MTHFD1L: variants seen among roughly 807,000 people sequenced by gnomAD.
The protein encoded by MTHFD1L is methylenetetrahydrofolate dehydrogenase (NADP+ dependent) 1 like.
A neutral mutation model predicts 119.5 loss-of-function variants in MTHFD1L; 81 were observed. That is an observed-to-expected ratio of 0.68 (90% confidence interval 0.57 to 0.82). The LOEUF is 0.82. Ranked by LOEUF, MTHFD1L falls within the 40% of genes least tolerant of loss-of-function variation. The pLI is 0.00. For missense variants in MTHFD1L, 1,125 were observed against 1,253.4 expected (o/e 0.90, Z 1.55); for synonymous variants, 430 against 475.2 (o/e 0.90, Z 1.24).
chr6:151,074,811 A>C (rs1324208837), intron 26 of MTHFD1L, among the ~76,000 whole-genome samples: 3 of 152,222 alleles, frequency 2.0e-5, no homozygotes, highest in Non-Finnish European at 4.4e-5. Context: ...CCATACAGCC[A>C]AGGTGTGTAG....
At chr6:150,972,159 C>A (rs1465121831) in intron 20 of MTHFD1L, 101 bp downstream of exon 20, 6 of 999,304 alleles carry the variant, frequency 6.0e-6, no homozygotes, top group Admixed American at 4.5e-5. Flanking sequence ...GAAACATATT[C>A]TTTCAGGCAC....
At chr6:150,890,175 AG>A (rs796265776) in intron 7 of MTHFD1L, among the ~76,000 whole-genome samples, 16 of 151,186 alleles carry the variant, frequency 1.1e-4, no homozygotes, top group African/African-American at 3.6e-4. Flanking sequence ...AATAATAAAA[AG>A]TGTATATATA....
At chr6:150,898,515 A>T (rs1444754172) in intron 7 of MTHFD1L, among the ~76,000 whole-genome samples, 2 of 152,198 alleles carry the variant, frequency 1.3e-5, no homozygotes, top group African/African-American at 4.8e-5. Flanking sequence ...GGAAATGCAA[A>T]GCAGAATTTT....
intron 20 of MTHFD1L, among the ~76,000 whole-genome samples, chr6:151,000,404 T>G (rs1020476222): frequency 1.3e-4 from 20 of 152,102 alleles, no homozygotes; most frequent in African/African-American, 4.3e-4. Context: ...TCTCCTGATA[T>G]GTGTCTAGTT....
At chr6:151,007,415 A>AG (rs1380959792) in intron 20 of MTHFD1L, among the ~76,000 whole-genome samples, 6 of 151,464 alleles carry the variant, frequency 4.0e-5, no homozygotes, top group African/African-American at 1.2e-4. Context: ...ATTCAATATG[A>AG]TTTTTAGCAA....
rs557613279 is a variant in MTHFD1L, at chr6:150,884,956, G to A, written c.543-678G>A. ...ATTGGTTCTGGGTTTTGAGTGGACT[G>A]CAGGACCATGCTTCTGTGTAACTCT... is the stretch of plus-strand genomic sequence containing the variant. On this transcript the variant is annotated intron_variant, in intron 5 of 27. Transcript: ENST00000367321. Among the ~76,000 whole-genome samples, 7 of 152,258 alleles carry A rather than the reference G, an allele frequency of 4.6e-5. No individual in the cohort carries two copies. The East Asian group carries it at 1.4e-3, about 29-fold the overall frequency.
chr6:150,868,196 C>T (rs1778759970), intron 1 of MTHFD1L, among the ~76,000 whole-genome samples: 2 of 152,140 alleles, frequency 1.3e-5, no homozygotes, highest in Admixed American at 1.3e-4. Context: ...GTTCTCCAAA[C>T]TCAATTCCTT....
intron 7 of MTHFD1L, among the ~76,000 whole-genome samples, chr6:150,893,087 C>T (rs1299196960): frequency 6.6e-6 from 1 of 152,120 alleles, no homozygotes; most frequent in African/African-American, 2.4e-5. Flanking sequence ...CCCCTTGAGA[C>T]AGAGGCTCAC....
chr6:150,933,595 T>A (rs371565506), intron 11 of MTHFD1L, among the ~76,000 whole-genome samples: 32 of 152,230 alleles, frequency 2.1e-4, no homozygotes, highest in African/African-American at 7.5e-4. Context: ...GGTGTCAGGA[T>A]AGGCTCACCA....
chr6:150,892,764 GACGTTTGAATTGTC>G (rs1393137514), intron 7 of MTHFD1L, among the ~76,000 whole-genome samples: 1 of 152,168 alleles, frequency 6.6e-6, no homozygotes, highest in Non-Finnish European at 1.5e-5. Context: ...GTGTCTGCCT[GACGTTTGAATTGTC>G]ACTATTCTGT....
intron 20 of MTHFD1L, among the ~76,000 whole-genome samples, chr6:150,997,855 A>C (rs1217527644): frequency 6.6e-6 from 1 of 152,218 alleles, no homozygotes; most frequent in Non-Finnish European, 1.5e-5. Context: ...TGTTTGTACC[A>C]AAACTGAGCA....
rs944396409 is a variant in MTHFD1L, at chr6:150,868,930, G to A, written c.227+2881G>A. 1.3e-4 allele frequency among the ~76,000 whole-genome samples: 20 copies of A among 152,108 alleles called. No homozygotes were observed. The East Asian group carries it at 1.4e-3, about 10-fold the overall frequency. ...TTTTAAAAAATTAACTGGGCGTGGC[G>A]CGTGCCTGTAGTTCCAGCTACTCAG... On this transcript the variant is annotated intron_variant, in intron 1 of 27. Transcript: ENST00000367321.
intron 20 of MTHFD1L, among the ~76,000 whole-genome samples, chr6:150,976,832 T>TAGTC (rs10668051): frequency 0.45 from 67,873 of 151,600 alleles, 17,386 homozygotes; most frequent in African/African-American, 0.67. Context: ...AATACAAAAA[T>TAGTC]AGAGAATTTG....
chr6:151,055,011 A>T (rs1789658685), intron 26 of MTHFD1L: 1 of 152,196 alleles, frequency 6.6e-6, no homozygotes. Context: ...CATGCCTGTA[A>T]TCCCAGCACT....
intron 11 of MTHFD1L, among the ~76,000 whole-genome samples, chr6:150,929,926 T>A (rs1225086973): frequency 6.6e-6 from 1 of 152,232 alleles, no homozygotes; most frequent in Non-Finnish European, 1.5e-5. Context: ...TGTATGCATT[T>A]GTGGCACAGC....
At chr6:151,081,287 C>A (rs1032706622) in intron 26 of MTHFD1L, among the ~76,000 whole-genome samples, 19 of 152,124 alleles carry the variant, frequency 1.2e-4, no homozygotes, top group African/African-American at 4.6e-4. Context: ...GGTGACTCCC[C>A]CTTCTCCAAA....
chr6:151,087,025 G>A (rs981950565), intron 26 of MTHFD1L, among the ~76,000 whole-genome samples: 6 of 152,100 alleles, frequency 3.9e-5, no homozygotes, highest in Non-Finnish European at 2.9e-5. Context: ...CGAGGCAGAC[G>A]AATCATTTGA....
At chr6:150,972,184 G>A (rs1182768811) in intron 20 of MTHFD1L, 126 bp downstream of exon 20, 7 of 800,928 alleles carry the variant, frequency 8.7e-6, no homozygotes, top group Non-Finnish European at 8.0e-6. Context: ...TTTCATAGAG[G>A]GTCTCAATAA....
chr6:151,099,458 T>C (rs906351246), intron 27 of MTHFD1L: 9 of 1,016,960 alleles, frequency 8.8e-6, no homozygotes, highest in Middle Eastern at 2.2e-4. Flanking sequence ...ATTTTCTTTT[T>C]TTTTTTTTGC....
Sources: gnomAD v4.1 joint callset for allele counts (sites outside exome capture counted in the v4.1 genomes callset) on GRCh38, gnomAD v4.1.1 for gene constraint, MANE v1.5 for transcripts, NCBI Gene and HGNC (gene_info 2026-07-23, HGNC 2026-07-21) for gene names.